Variants in GCC2 observed in about 807,000 individuals in gnomAD.
The protein encoded by GCC2 is GRIP and coiled-coil domain containing 2.
GCC2 carries 120 observed loss-of-function variants against 210.6 expected under a neutral mutation model. The ratio of observed to expected loss-of-function variants is 0.57; its 90% CI spans 0.49 to 0.66. The LOEUF (loss-of-function observed/expected upper bound fraction) is 0.66, where lower values mean the gene tolerates loss of function less well. Among genes scored for constraint, GCC2 ranks in the 30% least tolerant of loss-of-function variants. The probability of loss-of-function intolerance (pLI) is 0.00; values close to 1 mark genes in which losing one functional copy is unlikely to be tolerated. For missense variants in GCC2, 1,868 were observed against 1,871.9 expected (o/e 1.00, Z 0.04); for synonymous variants, 703 against 652.7 (o/e 1.08, Z -1.17).
intron 11 of GCC2, among the ~76,000 whole-genome samples, chr2:108,482,732 A>G (rs150717723): frequency 0.013 from 1,929 of 152,262 alleles, 23 homozygotes; most frequent in Non-Finnish European, 0.016. Context: ...GCTGGAGTGC[A>G]GTGGCGCAAT....
In GCC2 at chr2:108,469,955, C is replaced by T. The variant is rs1017594058; in HGVS notation, c.626C>T (p.Thr209Ile). 4.3e-6 allele frequency: 7 copies of T among 1,613,244 alleles called. No homozygotes were observed. In the Admixed American group the frequency reaches 8.3e-5, roughly 19 times the overall value. ...LYLQKQLDAT[T>I]DEKKETVTQL... ...CTGCAAAAGCAATTAGACGCTACCA[C>T]TGATGAAAAGAAGGAAACAGTTACT... The change falls in exon 6 of 23, where the codon ACT becomes ATT. Residue 209 changes from threonine to isoleucine, a missense_variant. Physicochemically the swap from Thr to Ile is moderately conservative, Grantham distance 89 (BLOSUM62 -1). Coordinates refer to ENST00000309863, the MANE Select transcript of GCC2 (RefSeq NM_181453.4).
At position 108,487,751 on chromosome 2, in the gene GCC2, A is replaced by G. The variant is rs763715849; in HGVS notation, c.3983A>G (p.His1328Arg). 1.9e-6 allele frequency: 3 copies of G among 1,613,482 alleles called. No homozygotes were observed. The highest frequency in any genetic ancestry group is 1.7e-5 in the Admixed American group (1 of 60,016). The change falls in exon 17 of 23, where the codon CAT (histidine) becomes CGT (arginine). Residue 1328 changes from histidine (H) to arginine (R), a missense_variant. Transcript: ENST00000309863. ...TTCGAGAGCTACAAAGTCCGAGTTC[A>G]TAATGTTCTAAAACAACAGAAAAAT... ...SEFESYKVRV[H>R]NVLKQQKNKS...
intron 4 of GCC2, among the ~76,000 whole-genome samples, chr2:108,457,546 G>T (rs1056679711): frequency 6.6e-6 from 1 of 151,870 alleles, no homozygotes; most frequent in African/African-American, 2.4e-5. Flanking sequence ...ATTTTAATAG[G>T]GATTTCATTG....
At chr2:108,449,714 G>A (rs759400767) in intron 2 of GCC2, 25 bp downstream of exon 2, 6 of 1,598,474 alleles carry the variant, frequency 3.8e-6, no homozygotes, top group South Asian at 2.2e-5. Flanking sequence ...TGAATAGCGG[G>A]CTTCCTGAAG....
At chr2:108,507,406 C>CA in intron 22 of GCC2, 154 bp from the exon 23 acceptor site, 104 of 90,606 alleles carry the variant, frequency 1.1e-3, no homozygotes, top group South Asian at 2.5e-3. Flanking sequence ...AAAAAAAGAA[C>CA]CCCCCCCCCC....
At chr2:108,462,485 C>G (rs541935084) in intron 4 of GCC2, 2 of 139,958 alleles carry the variant, frequency 1.4e-5, no homozygotes, top group Non-Finnish European at 3.1e-5. Flanking sequence ...CAGAGCGAGA[C>G]TCAGTCTCAA....
chr2:108,467,918 A>G (rs1680988616), intron 4 of GCC2, among the ~76,000 whole-genome samples: 1 of 152,172 alleles, frequency 6.6e-6, no homozygotes, highest in East Asian at 1.9e-4. Flanking sequence ...TTGGTGGACA[A>G]TTTTTAACTA....
intron 4 of GCC2, among the ~76,000 whole-genome samples, chr2:108,456,948 TA>T (rs59458748): frequency 0.42 from 56,221 of 133,616 alleles, 12,163 homozygotes; most frequent in East Asian, 0.88. Flanking sequence ...AGCCCTTACA[TA>T]AAAAAAAAAA....
intron 4 of GCC2, among the ~76,000 whole-genome samples, chr2:108,454,041 A>T (rs1301018063): frequency 6.6e-6 from 1 of 151,928 alleles, no homozygotes; most frequent in Non-Finnish European, 1.5e-5. Flanking sequence ...CCCAGGCTGG[A>T]GTGCAGTGGC....
chr2:108,454,613 C>T (rs1443679144), intron 4 of GCC2, among the ~76,000 whole-genome samples: 1 of 152,196 alleles, frequency 6.6e-6, no homozygotes, highest in East Asian at 1.9e-4. Context: ...CGATAACACC[C>T]AGACTGCCTG....
intron 17 of GCC2, among the ~76,000 whole-genome samples, chr2:108,488,544 A>C (rs1682257468): frequency 6.6e-6 from 1 of 152,242 alleles, no homozygotes; most frequent in African/African-American, 2.4e-5. Flanking sequence ...AAGTTGCTTT[A>C]AAATGTTTCA....
At chr2:108,462,646 T>G (rs1424098002) in intron 4 of GCC2, 2 of 130,912 alleles carry the variant, frequency 1.5e-5, no homozygotes, top group Admixed American at 8.2e-5. Context: ...CACTGCAACC[T>G]CTACCTCCTG....
intron 8 of GCC2, 56 bp downstream of exon 8, chr2:108,475,691 A>G: frequency 2.7e-6 from 4 of 1,461,068 alleles, no homozygotes; most frequent in Non-Finnish European, 3.8e-6. Flanking sequence ...AAAAATCAAG[A>G]GTTTTTCTAT....
chr2:108,498,542 T>G (rs567063343), intron 21 of GCC2, among the ~76,000 whole-genome samples: 5 of 152,126 alleles, frequency 3.3e-5, no homozygotes, highest in East Asian at 1.9e-4. Context: ...TTTCTTAGTC[T>G]TCTTTATTGT....
Position 108,450,100 on chromosome 2 carries a change from C to A in GCC2, c.63+411C>A, listed in dbSNP as rs1558723118. 3 of 163,058 alleles carry A rather than the reference C, an allele frequency of 1.8e-5. No homozygotes were observed. In the Admixed American group the frequency reaches 1.9e-4, roughly 10 times the overall value. 10.1% of individuals were successfully genotyped at this position (163,058 alleles called of 1,614,324 possible). A position where few individuals can be genotyped will look rare whatever the true frequency, so the allele number is the denominator to read the frequency against. The stretch of plus-strand genomic sequence containing the variant: ...GTACAATGTTTAACATTCAATCATT[C>A]TAAATGATAGTGGTTTATTGCTAAG... On this transcript the variant is annotated intron_variant, in intron 2 of 22. Coordinates refer to ENST00000309863, the MANE Select transcript of GCC2 (RefSeq NM_181453.4).
chr2:108,481,587 T>C, intron 9 of GCC2, 110 bp from the exon 10 acceptor site: 1 of 716,388 alleles, frequency 1.4e-6, no homozygotes, highest in Non-Finnish European at 2.3e-6. Flanking sequence ...CTTGGGTAAA[T>C]ATTTTAAGCA....
At chr2:108,504,432 C>T (rs1182656656) in intron 22 of GCC2, among the ~76,000 whole-genome samples, 1 of 152,106 alleles carries the variant, frequency 6.6e-6, no homozygotes, top group Non-Finnish European at 1.5e-5. Flanking sequence ...ACTTAAATTT[C>T]AAGCAGATGT....
intron 4 of GCC2, among the ~76,000 whole-genome samples, chr2:108,461,364 C>T (rs1680559853): frequency 6.6e-6 from 1 of 151,932 alleles, no homozygotes; most frequent in African/African-American, 2.4e-5. Context: ...TATAAATATG[C>T]CATGGAGAAT....
At chr2:108,493,395 G>A (rs1052796359) in intron 19 of GCC2, 63 of 973,592 alleles carry the variant, frequency 6.5e-5, no homozygotes, top group African/African-American at 3.0e-4. Flanking sequence ...GCCGACACAT[G>A]TCTTAATTCT....
Sources: gnomAD v4.1 joint callset for allele counts (sites outside exome capture counted in the v4.1 genomes callset) on GRCh38, gnomAD v4.1.1 for gene constraint, MANE v1.5 for transcripts, NCBI Gene and HGNC (gene_info 2026-07-23, HGNC 2026-07-21) for gene names.